Variants in PPP2R5A observed in about 807,000 individuals in gnomAD.
PPP2R5A encodes protein phosphatase 2 regulatory subunit B'alpha.
In PPP2R5A, 25 loss-of-function variants were observed where a neutral mutation model predicts 64.2. The observed-to-expected ratio is 0.39, with a 90% confidence interval of 0.28 to 0.54. The LOEUF is 0.54. PPP2R5A is among the 20% of genes least tolerant of loss of function. The pLI is 0.67. For missense variants in PPP2R5A, 425 were observed against 576.3 expected (o/e 0.74, Z 2.69); for synonymous variants, 198 against 201.2 (o/e 0.98, Z 0.13).
intron 1 of PPP2R5A, chr1:212,297,400 C>T (rs1265483688): frequency 6.6e-6 from 1 of 152,052 alleles, no homozygotes; most frequent in Non-Finnish European, 1.5e-5. Context: ...AGTCGTGAGC[C>T]ACCATGCCCA....
intron 1 of PPP2R5A, among the ~76,000 whole-genome samples, chr1:212,326,283 A>C (rs1659406698): frequency 6.6e-6 from 1 of 151,564 alleles, no homozygotes; most frequent in South Asian, 2.1e-4. Flanking sequence ...ATTCCCACTT[A>C]AGAACAGTTC....
intron 8 of PPP2R5A, among the ~76,000 whole-genome samples, chr1:212,352,272 G>A (rs1242665992): frequency 6.6e-6 from 1 of 151,724 alleles, no homozygotes; most frequent in African/African-American, 2.4e-5. Flanking sequence ...CAGGCAGTGT[G>A]CCTTCCTTGG....
intron 1 of PPP2R5A, chr1:212,306,675 A>T (rs1345678242): frequency 1.3e-5 from 2 of 151,964 alleles, no homozygotes; most frequent in Admixed American, 6.6e-5. Flanking sequence ...CTGGAGACTT[A>T]GATCATTTTT....
intron 1 of PPP2R5A, among the ~76,000 whole-genome samples, chr1:212,304,836 G>A (rs915260752): frequency 4.1e-5 from 6 of 147,892 alleles, no homozygotes; most frequent in African/African-American, 1.2e-4. Context: ...AGGTTCAAGC[G>A]ATTCTCCTGC....
At chr1:212,295,601 G>C (rs1263127115) in intron 1 of PPP2R5A, among the ~76,000 whole-genome samples, 1 of 152,168 alleles carries the variant, frequency 6.6e-6, no homozygotes, top group African/African-American at 2.4e-5. Context: ...TAATGGGTAA[G>C]GGAAAAAGGT....
At chr1:212,352,970 C>T (rs1008381263) in intron 8 of PPP2R5A, 2 of 517,724 alleles carry the variant, frequency 3.9e-6, no homozygotes, top group African/African-American at 1.9e-5. Flanking sequence ...GGAAAAATGA[C>T]AAGCATTTGT....
intron 1 of PPP2R5A, among the ~76,000 whole-genome samples, chr1:212,312,779 A>T (rs1195255165): frequency 6.6e-6 from 1 of 152,222 alleles, no homozygotes; most frequent in Non-Finnish European, 1.5e-5. Context: ...TTACAAGAAA[A>T]TTATAGACCA....
intron 1 of PPP2R5A, chr1:212,301,875 T>C: frequency 1.5e-6 from 2 of 1,310,112 alleles, no homozygotes; most frequent in Non-Finnish European, 1.9e-6. Context: ...ATTTCAAGTA[T>C]GTTAGCAGCA....
At chr1:212,312,177 G>T (rs1659051038) in intron 1 of PPP2R5A, among the ~76,000 whole-genome samples, 2 of 152,178 alleles carry the variant, frequency 1.3e-5, no homozygotes, top group African/African-American at 4.8e-5. Context: ...TAGTATAGTA[G>T]CATGCTGACA....
intron 12 of PPP2R5A, 134 bp downstream of exon 12, chr1:212,358,921 A>C: frequency 1.8e-6 from 1 of 569,228 alleles, no homozygotes; most frequent in Non-Finnish European, 3.0e-6. Context: ...TAAACATTAC[A>C]ATGTGAAAGT....
intron 8 of PPP2R5A, among the ~76,000 whole-genome samples, chr1:212,349,945 GCTT>G (rs1659846629): frequency 6.6e-6 from 1 of 152,166 alleles, no homozygotes; most frequent in Non-Finnish European, 1.5e-5. Context: ...TTGAGAGAAT[GCTT>G]TCTAGGCATG....
chr1:212,339,992 T>TAAAAAAAA (rs67654928), intron 3 of PPP2R5A, among the ~76,000 whole-genome samples: 1 of 72,716 alleles, frequency 1.4e-5, no homozygotes, highest in Non-Finnish European at 2.4e-5. Context: ...ACATGCTGCT[T>TAAAAAAAA]AAAAAAAAAA....
At chr1:212,299,844 G>A (rs1431181344) in intron 1 of PPP2R5A, among the ~76,000 whole-genome samples, 3 of 147,402 alleles carry the variant, frequency 2.0e-5, no homozygotes, top group African/African-American at 5.0e-5. Context: ...ACAGGGTCTC[G>A]CTCTGTCCCC....
intron 1 of PPP2R5A, among the ~76,000 whole-genome samples, chr1:212,301,473 C>G (rs1658798980): frequency 6.6e-6 from 1 of 152,148 alleles, no homozygotes. Context: ...AGAACATTAT[C>G]AAACTGGCAG....
intron 2 of PPP2R5A, among the ~76,000 whole-genome samples, chr1:212,332,776 A>C (rs1196823580): frequency 1.3e-5 from 2 of 152,206 alleles, no homozygotes; most frequent in Non-Finnish European, 2.9e-5. Context: ...GGAATATGGG[A>C]GGAATTATAG....
intron 1 of PPP2R5A, among the ~76,000 whole-genome samples, chr1:212,303,273 A>G (rs996332344): frequency 3.3e-5 from 5 of 152,176 alleles, no homozygotes; most frequent in African/African-American, 1.2e-4. Context: ...CTTTCTGATT[A>G]TAGCCATCCT....
chr1:212,330,692 C>T (rs1001401580), intron 2 of PPP2R5A, among the ~76,000 whole-genome samples: 3 of 152,158 alleles, frequency 2.0e-5, no homozygotes, highest in Admixed American at 6.5e-5. Flanking sequence ...AATATATGTT[C>T]TTGGGGAAGA....
intron 1 of PPP2R5A, among the ~76,000 whole-genome samples, chr1:212,294,463 A>G (rs569572303): frequency 6.6e-6 from 1 of 152,362 alleles, no homozygotes; most frequent in East Asian, 1.9e-4. Context: ...AAAACAAACA[A>G]AAACAACAAC....
rs145046695 is a variant in PPP2R5A, at chr1:212,355,683, T to A, written c.928-943T>A. The stretch of plus-strand genomic sequence containing the variant: ...TAAAATGATCTGGGTTTTTTTTTTT[T>A]ATTTCCCCTTTTAACCTATGAATGG... On this transcript the variant is annotated intron_variant, in intron 8 of 12. Transcript: ENST00000261461. Among the ~76,000 whole-genome samples, 929 of 152,234 alleles carry A rather than the reference T, an allele frequency of 6.1e-3. 8 individuals are homozygous for A. The highest frequency in any genetic ancestry group is 8.9e-3 in the Non-Finnish European group (602 of 67,996).
Sources: allele counts gnomAD v4.1 joint callset (sites outside exome capture counted in the v4.1 genomes callset), GRCh38; gene constraint gnomAD v4.1.1; transcripts MANE v1.5; gene names NCBI Gene and HGNC (gene_info 2026-07-23, HGNC 2026-07-21).